The following PSMD14 variants were observed in gnomAD, a reference collection of about 807,000 sequenced individuals.
The protein encoded by PSMD14 is ubiquitin C-terminal hydrolase PSMD14.
In PSMD14, 7 loss-of-function variants were observed where a neutral mutation model predicts 41.2. The ratio of observed to expected loss-of-function variants is 0.17; its 90% CI spans 0.10 to 0.32. The LOEUF (loss-of-function observed/expected upper bound fraction) is 0.32. PSMD14 is among the 10% of genes least tolerant of loss of function. PSMD14 has a pLI of 1.00. For missense variants in PSMD14, 139 were observed against 375.6 expected, an observed-to-expected ratio of 0.37 and a Z score of 5.21; for synonymous variants, 114 against 122.3, an observed-to-expected ratio of 0.93 and a Z score of 0.45.
At chr2:161,366,737 A>G (rs576931099) in intron 3 of PSMD14, among the ~76,000 whole-genome samples, 15 of 152,294 alleles carry the variant, frequency 9.8e-5, no homozygotes, top group African/African-American at 3.1e-4. Context: ...GGTAAGAACT[A>G]TATGTCAGTT....
chr2:161,402,090 C>T (rs145188155), intron 10 of PSMD14, among the ~76,000 whole-genome samples: 3,408 of 152,288 alleles, frequency 0.022, 328 homozygotes, highest in Admixed American at 0.18. Flanking sequence ...TCTACTCAAT[C>T]AGTAAACCAT....
intron 10 of PSMD14, among the ~76,000 whole-genome samples, chr2:161,403,345 C>T (rs1683906864): frequency 6.6e-6 from 1 of 152,032 alleles, no homozygotes; most frequent in Non-Finnish European, 1.5e-5. Context: ...CTAGGCAAAT[C>T]CATAGAGACA....
chr2:161,406,688 A>C (rs1683952278), intron 10 of PSMD14, among the ~76,000 whole-genome samples: 1 of 152,132 alleles, frequency 6.6e-6, no homozygotes, highest in South Asian at 2.1e-4. Flanking sequence ...GGGGTTTGCA[A>C]CCTTAGTATA....
Position 161,395,108 on chromosome 2 carries a change from A to G in PSMD14, c.676A>G (p.Met226Val), listed in dbSNP as rs1276067879. 1.3e-5 allele frequency: 20 copies of G among 1,596,146 alleles called. No homozygotes were observed. The highest frequency in any genetic ancestry group is 1.8e-5 in the Admixed American group (1 of 56,496). ...GCTAAATTTGCATAAGAAGAGTTGG[A>G]TGGAAGGTTTGACACTTCAGGACTA... is the stretch of plus-strand genomic sequence containing the variant. ...MLLNLHKKSW[M>V]EGLTLQDYSE... The change falls in exon 10 of 12, where the codon ATG (methionine) becomes GTG (valine). Residue 226 changes from methionine (M) to valine (V), a missense_variant. Transcript: ENST00000409682.
At chr2:161,353,039 T>A (rs1439503712) in intron 3 of PSMD14, among the ~76,000 whole-genome samples, 1 of 152,174 alleles carries the variant, frequency 6.6e-6, no homozygotes, top group Non-Finnish European at 1.5e-5. Flanking sequence ...TTTATAATTT[T>A]ATTAAAAGAA....
intron 3 of PSMD14, among the ~76,000 whole-genome samples, chr2:161,337,795 G>A (rs990198039): frequency 1.3e-5 from 2 of 152,192 alleles, no homozygotes; most frequent in Non-Finnish European, 1.5e-5. Context: ...CTATGGATCA[G>A]GAGATAAGGG....
intron 10 of PSMD14, chr2:161,408,215 T>A (rs1683979035): frequency 6.6e-6 from 1 of 152,110 alleles, no homozygotes; most frequent in Non-Finnish European, 1.5e-5. Flanking sequence ...TTCTTCATGG[T>A]TACTAAAGAT....
rs148856062 is a variant in PSMD14, at chr2:161,367,778, C to A, written c.121-6C>A. On this transcript the variant is annotated splice_polypyrimidine_tract_variant and splice_region_variant and intron_variant, in intron 4 of 11. Coordinates refer to ENST00000409682, the MANE Select transcript of PSMD14 (RefSeq NM_005805.6). ...GCTTTGTGTCCACATCTCTTCCTTT[C>A]TACAGATGTTAAAACATGGCCGTGC... 2.2e-3 allele frequency: 3,543 copies of A among 1,612,860 alleles called. 17 individuals are homozygous for A. Among genetic ancestry groups the A allele is most frequent in the South Asian group, 0.014 (1,270 of 90,848 alleles).
At chr2:161,358,091 G>T (rs1366914884) in intron 3 of PSMD14, among the ~76,000 whole-genome samples, 2 of 151,928 alleles carry the variant, frequency 1.3e-5, no homozygotes, top group African/African-American at 2.4e-5. Flanking sequence ...AATTCAAAAA[G>T]TATTTGGAGG....
intron 9 of PSMD14, among the ~76,000 whole-genome samples, chr2:161,393,991 T>TTTTTA (rs1242327784): frequency 6.8e-6 from 1 of 146,612 alleles, no homozygotes; most frequent in Admixed American, 6.9e-5. Context: ...TTTTTTTTTT[T>TTTTTA]TTGGAGTCTC....
chr2:161,363,735 G>A (rs1683322272), intron 3 of PSMD14, among the ~76,000 whole-genome samples: 1 of 152,162 alleles, frequency 6.6e-6, no homozygotes, highest in African/African-American at 2.4e-5. Context: ...CCCCTTCACA[G>A]GGCATTCGAT....
At chr2:161,387,100 C>T (rs879248739) in intron 8 of PSMD14, among the ~76,000 whole-genome samples, 1 of 151,834 alleles carries the variant, frequency 6.6e-6, no homozygotes. Context: ...CCAGTTAGAA[C>T]CTGTAAATAT....
At chr2:161,393,971 AT>A (rs11452254) in intron 9 of PSMD14, among the ~76,000 whole-genome samples, 151 of 100,896 alleles carry the variant, frequency 1.5e-3, no homozygotes, top group African/African-American at 2.9e-3. Flanking sequence ...ACACTAGATA[AT>A]TTTTTTTTTT....
chr2:161,405,061 T>G (rs900329388), intron 10 of PSMD14, among the ~76,000 whole-genome samples: 1 of 152,196 alleles, frequency 6.6e-6, no homozygotes, highest in African/African-American at 2.4e-5. Flanking sequence ...TAAGCAATAT[T>G]GTCTACCCTA....
chr2:161,314,703 A>T (rs1689128541), intron 1 of PSMD14, among the ~76,000 whole-genome samples: 1 of 152,224 alleles, frequency 6.6e-6, no homozygotes, highest in Non-Finnish European at 1.5e-5. Context: ...AACTTGTAAC[A>T]TGTACCAGTA....
At chr2:161,384,275 T>G (rs533876012) in intron 7 of PSMD14, 1 of 151,696 alleles carries the variant, frequency 6.6e-6, no homozygotes, top group Non-Finnish European at 1.5e-5. Context: ...TAGGTTTGTA[T>G]TTTTTGTTAT....
chr2:161,409,044 C>T (rs1683991832), intron 11 of PSMD14, 145 bp downstream of exon 11: 1 of 586,096 alleles, frequency 1.7e-6, no homozygotes, highest in Non-Finnish European at 2.9e-6. Flanking sequence ...TTGTAAAGGT[C>T]ACTAAATTTA....
chr2:161,321,922 T>C (rs998633053), intron 3 of PSMD14, among the ~76,000 whole-genome samples: 2 of 152,118 alleles, frequency 1.3e-5, no homozygotes, highest in South Asian at 2.1e-4. Context: ...CGAGTTTTTA[T>C]TGGGACTCGG....
At chr2:161,401,770 G>T (rs1436405839) in intron 10 of PSMD14, among the ~76,000 whole-genome samples, 1 of 103,758 alleles carries the variant, frequency 9.6e-6, no homozygotes, top group Non-Finnish European at 1.9e-5. Flanking sequence ...AATAAATCAT[G>T]CATTTGACAT....
Sources: allele counts gnomAD v4.1 joint callset (sites outside exome capture counted in the v4.1 genomes callset), GRCh38; gene constraint gnomAD v4.1.1; transcripts MANE v1.5; gene names NCBI Gene and HGNC (gene_info 2026-07-23, HGNC 2026-07-21).